The following LARGE1 variants were observed in gnomAD, a reference collection of about 807,000 sequenced individuals.
LARGE1 encodes xylosyl- and glucuronyltransferase LARGE1.
A neutral mutation model predicts 87.6 loss-of-function variants in LARGE1; 43 were observed. The ratio of observed to expected loss-of-function variants is 0.49; its 90% CI spans 0.38 to 0.63. The LOEUF (loss-of-function observed/expected upper bound fraction) is 0.63, where lower values mean the gene tolerates loss of function less well. LARGE1 is among the 30% of genes least tolerant of loss of function. The pLI is 0.00. For synonymous variants in LARGE1, 434 were observed against 394.6 expected, an observed-to-expected ratio of 1.10 and a Z score of -1.18; for missense variants, 802 against 1,000.2, an observed-to-expected ratio of 0.80 and a Z score of 2.67.
chr22:33,113,205 C>CTTT, the LARGE1 span, among the ~76,000 whole-genome samples: 3 of 127,414 alleles, frequency 2.4e-5, no homozygotes, highest in Admixed American at 7.9e-5. Flanking sequence ...ACTTAATTAT[C>CTTT]TTTTTTTTTT....
At chr22:33,800,140 A>G (rs1338363040) in intron 1 of LARGE1, among the ~76,000 whole-genome samples, 4 of 152,218 alleles carry the variant, frequency 2.6e-5, no homozygotes, top group Non-Finnish European at 5.9e-5. Flanking sequence ...ATCAAATAGT[A>G]AGCCCCTTGC....
chr22:33,189,071 G>T (rs952106120), intron 11 of LARGE1, among the ~76,000 whole-genome samples: 12 of 152,128 alleles, frequency 7.9e-5, no homozygotes, highest in African/African-American at 2.9e-4. Context: ...AGGCAATACA[G>T]GCCAGTCAGG....
chr22:33,462,792 A>C (rs1212502021), intron 6 of LARGE1, among the ~76,000 whole-genome samples: 1 of 152,088 alleles, frequency 6.6e-6, no homozygotes, highest in Non-Finnish European at 1.5e-5. Context: ...AAAAATAAAA[A>C]TAATATATAT....
rs545558118 is a variant in LARGE1 at position 33,311,572 on chromosome 22, C to T, written c.1451+4513G>A. ...AGAACCCAGACAATAATCAGTGAAT[C>T]TGACGTTATCACCATCTCGTAGATG... On this transcript the variant is annotated intron_variant, in intron 11 of 14. Coordinates refer to ENST00000397394, the MANE Select transcript of LARGE1 (RefSeq NM_133642.5). Among the ~76,000 whole-genome samples, 5 of 152,336 alleles carry T rather than the reference C, an allele frequency of 3.3e-5. 1 individual carries two copies. The highest frequency in any genetic ancestry group is 3.3e-4 in the Admixed American group (5 of 15,308).
At chr22:33,250,275 G>C (rs573530313) in intron 11 of LARGE1, among the ~76,000 whole-genome samples, 18 of 152,090 alleles carry the variant, frequency 1.2e-4, no homozygotes, top group African/African-American at 4.1e-4. Context: ...TCATTTTAAA[G>C]GTGTTAATGT....
chr22:33,724,832 G>A (rs558287420), intron 2 of LARGE1: 20 of 152,502 alleles, frequency 1.3e-4, no homozygotes, highest in African/African-American at 4.8e-4. Context: ...AGTCCAGCGG[G>A]AGAACATAGA....
At chr22:33,457,016 A>G (rs943455322) in intron 6 of LARGE1, among the ~76,000 whole-genome samples, 5 of 152,208 alleles carry the variant, frequency 3.3e-5, no homozygotes, top group South Asian at 2.1e-4. Context: ...ATGTGTGTCA[A>G]CTTTTTCCCC....
chr22:33,295,067 G>A (rs964023805), intron 12 of LARGE1, among the ~76,000 whole-genome samples: 2 of 152,166 alleles, frequency 1.3e-5, no homozygotes, highest in African/African-American at 2.4e-5. Flanking sequence ...CACCTGCCAC[G>A]AGACAGGGCA....
At position 33,815,168 on chromosome 22, in the gene LARGE1, G is replaced by A. The variant is rs2086612799; in HGVS notation, c.-82-53610C>T. Among the ~76,000 whole-genome samples the A allele has an allele frequency of 2.6e-5, 4 of 152,276 alleles. No homozygotes were observed. In the South Asian group the frequency reaches 8.3e-4, roughly 32 times the overall value. On this transcript the variant is annotated intron_variant, in intron 1 of 14. Coordinates refer to ENST00000397394, the MANE Select transcript of LARGE1 (RefSeq NM_133642.5). ...GCCAAACTGGTTCTTCTCACTTTTT[G>A]TTGGGGCGGCACAGTCTGGCAGCCT... is the stretch of plus-strand genomic sequence containing the variant.
intron 1 of LARGE1, among the ~76,000 whole-genome samples, chr22:33,816,733 C>CAGAT (rs3072338): frequency 0.21 from 32,213 of 149,870 alleles, 3,812 homozygotes; most frequent in South Asian, 0.35. Context: ...GACAGACAGA[C>CAGAT]AGATACAGAA....
chr22:33,721,866 A>G (rs1386491851), intron 2 of LARGE1, among the ~76,000 whole-genome samples: 3 of 152,112 alleles, frequency 2.0e-5, no homozygotes, highest in African/African-American at 7.2e-5. Flanking sequence ...ACTGTTTTGT[A>G]CTCTTTATTT....
chr22:33,776,073 C>T (rs2085227130), intron 1 of LARGE1, among the ~76,000 whole-genome samples: 1 of 152,180 alleles, frequency 6.6e-6, no homozygotes, highest in Admixed American at 6.5e-5. Context: ...AAGGATGTTT[C>T]AACCAAGCAC....
chr22:33,408,004 G>A (rs903374413), intron 7 of LARGE1, among the ~76,000 whole-genome samples: 6 of 147,244 alleles, frequency 4.1e-5, no homozygotes, highest in South Asian at 2.2e-4. Flanking sequence ...TTTTTGAGAC[G>A]GAGTCTTTTT....
At chr22:33,576,616 C>T (rs2078359304) in intron 5 of LARGE1, among the ~76,000 whole-genome samples, 1 of 152,136 alleles carries the variant, frequency 6.6e-6, no homozygotes, top group Non-Finnish European at 1.5e-5. Flanking sequence ...CTCATATATA[C>T]AGATATCACC....
At chr22:33,902,510 C>T (rs994665157) in intron 1 of LARGE1, among the ~76,000 whole-genome samples, 10 of 152,176 alleles carry the variant, frequency 6.6e-5, no homozygotes, top group Non-Finnish European at 1.3e-4. Context: ...TATCCAACCC[C>T]AAGCATTTTT....
chr22:33,273,961 T>C lies in LARGE1; in HGVS notation c.*466A>G. 1 of 350,208 alleles carries C rather than the reference T, an allele frequency of 2.9e-6. No individual in the cohort carries two copies. The highest frequency in any genetic ancestry group is 5.1e-6 in the Non-Finnish European group (1 of 195,028). 21.7% of individuals were successfully genotyped at this position (350,208 alleles called of 1,614,324 possible). ...CCTCCGTTTGAATGCCCAGCTACAT[T>C]GCAGGGCAAAGGGGAAAGTTTTCAC... On this transcript the variant is annotated 3_prime_UTR_variant, in exon 15 of 15. Transcript: ENST00000397394.
chr22:33,302,783 C>T (rs1424604286), intron 12 of LARGE1, among the ~76,000 whole-genome samples: 1 of 152,158 alleles, frequency 6.6e-6, no homozygotes, highest in African/African-American at 2.4e-5. Context: ...ACGGGCAGAC[C>T]TGGGGCTGCA....
At chr22:33,780,537 G>T (rs2085385957) in intron 1 of LARGE1, among the ~76,000 whole-genome samples, 1 of 152,208 alleles carries the variant, frequency 6.6e-6, no homozygotes, top group Non-Finnish European at 1.5e-5. Context: ...GAAAGAAGGA[G>T]CATGAAGCCA....
rs190593644 is a variant in LARGE1, at chr22:33,548,109, G to A, written c.787+16739C>T. On this transcript the variant is annotated intron_variant, in intron 6 of 14. Coordinates refer to ENST00000397394, the MANE Select transcript of LARGE1 (RefSeq NM_133642.5). Reference sequence around the variant, plus strand: ...TTGTGATCCCCAGCGTTGGAGGTAGGGCCTACTGGGAAGTGAATGGTTCAC... The same window carrying A: ...TTGTGATCCCCAGCGTTGGAGGTAGAGCCTACTGGGAAGTGAATGGTTCAC... Among the ~76,000 whole-genome samples the A allele has an allele frequency of 8.5e-5, 13 of 152,242 alleles. No homozygotes were observed. In the East Asian group the frequency reaches 2.3e-3, roughly 27 times the overall value.
Sources: allele counts gnomAD v4.1 joint callset (sites outside exome capture counted in the v4.1 genomes callset), GRCh38; gene constraint gnomAD v4.1.1; transcripts MANE v1.5; gene names NCBI Gene and HGNC (gene_info 2026-07-23, HGNC 2026-07-21).